ALK: variants seen among roughly 807,000 people sequenced by gnomAD.
The protein encoded by ALK is ALK tyrosine kinase receptor.
ALK carries 74 observed loss-of-function variants against 163.1 expected under a neutral mutation model. The observed-to-expected ratio is 0.45, with a 90% confidence interval of 0.38 to 0.55. The LOEUF is 0.55. Among genes scored for constraint, ALK ranks in the 20% least tolerant of loss-of-function variants. The pLI is 0.00. For synonymous variants in ALK, 960 were observed against 843.2 expected (o/e 1.14, Z -2.40); for missense variants, 2,063 against 2,105.3 (o/e 0.98, Z 0.39).
At chr2:29,311,318 G>A (rs540981392) in intron 8 of ALK, among the ~76,000 whole-genome samples, 1 of 152,268 alleles carries the variant, frequency 6.6e-6, no homozygotes, top group Non-Finnish European at 1.5e-5. Context: ...GGGAGGCCTT[G>A]GGGCTTCCGA....
Position 29,496,736 on chromosome 2 carries a change from C to T in ALK, c.1154+35179G>A, listed in dbSNP as rs574984370. On this transcript the variant is annotated intron_variant, in intron 4 of 28. Transcript: ENST00000389048. ...CAAATATTTGCCATGTACACCACCA[C>T]ACTTTGCCCATGGAAGACCCCAGTA... Among the ~76,000 whole-genome samples the T allele has an allele frequency of 1.1e-4, 17 of 152,300 alleles. No homozygotes were observed. In the South Asian group the frequency reaches 3.5e-3, roughly 32 times the overall value.
intron 3 of ALK, among the ~76,000 whole-genome samples, chr2:29,650,473 G>A (rs560442621): frequency 6.6e-6 from 1 of 152,264 alleles, no homozygotes; most frequent in African/African-American, 2.4e-5. Flanking sequence ...ATTACTAGAA[G>A]TAAGATTTGG....
At chr2:29,497,601 T>A (rs1006167912) in intron 4 of ALK, among the ~76,000 whole-genome samples, 39 of 152,146 alleles carry the variant, frequency 2.6e-4, no homozygotes, top group Admixed American at 2.5e-3. Flanking sequence ...CAATGGTAAT[T>A]TGTAAATGTC....
intron 5 of ALK, among the ~76,000 whole-genome samples, chr2:29,365,409 T>C (rs112437196): frequency 2.8e-4 from 42 of 152,266 alleles, no homozygotes; most frequent in African/African-American, 1.0e-3. Flanking sequence ...GAGGACAGGT[T>C]ATGGATCTGG....
intron 5 of ALK, among the ~76,000 whole-genome samples, chr2:29,367,232 G>A (rs181277023): frequency 2.0e-5 from 3 of 152,200 alleles, no homozygotes; most frequent in African/African-American, 7.2e-5. Context: ...GTAAGGATTC[G>A]GGACAAAGGT....
intron 4 of ALK, among the ~76,000 whole-genome samples, chr2:29,436,174 T>G (rs1670391319): frequency 6.6e-6 from 1 of 152,192 alleles, no homozygotes; most frequent in Non-Finnish European, 1.5e-5. Flanking sequence ...CTCTACTACT[T>G]GGCATTCATT....
chr2:29,736,813 G>A (rs765027671), intron 1 of ALK, among the ~76,000 whole-genome samples: 23 of 152,086 alleles, frequency 1.5e-4, no homozygotes, highest in Non-Finnish European at 2.4e-4. Flanking sequence ...GTTAACATTT[G>A]TAATTAAGCC....
In ALK at chr2:29,467,409, C is replaced by T. The variant is rs1671239881; in HGVS notation, c.1154+64506G>A. ...GTGAACAAGCCCTCAGAGCCTGAAG[C>T]CTAGTTTCACTATTTTAGATTTTTC... is the stretch of plus-strand genomic sequence containing the variant. On this transcript the variant is annotated intron_variant, in intron 4 of 28. Transcript: ENST00000389048. 2.0e-5 allele frequency among the ~76,000 whole-genome samples: 3 copies of T among 152,176 alleles called. No individual in the cohort carries two copies. The South Asian group carries it at 6.2e-4, about 32-fold the overall frequency.
intron 11 of ALK, among the ~76,000 whole-genome samples, chr2:29,263,047 A>T (rs76407470): frequency 6.6e-6 from 1 of 152,250 alleles, no homozygotes; most frequent in East Asian, 1.9e-4. Context: ...AGTGTTTGAT[A>T]TCACATGGGT....
intron 3 of ALK, among the ~76,000 whole-genome samples, chr2:29,588,312 C>A (rs553076285): frequency 6.6e-6 from 1 of 152,276 alleles, no homozygotes; most frequent in South Asian, 2.1e-4. Context: ...CTCATTGCAA[C>A]CCCCACCCAC....
Position 29,443,805 on chromosome 2 carries a change from C to T in ALK, c.1155-59946G>A, listed in dbSNP as rs1044578840. Among the ~76,000 whole-genome samples, 7 of 152,186 alleles carry T rather than the reference C, an allele frequency of 4.6e-5. No homozygotes were observed. The South Asian group carries it at 8.3e-4, about 18-fold the overall frequency. On this transcript the variant is annotated intron_variant, in intron 4 of 28. Coordinates refer to ENST00000389048, the MANE Select transcript of ALK (RefSeq NM_004304.5). The stretch of plus-strand genomic sequence containing the variant: ...GAATCAGGAAGGAAGAGGAGGCTGA[C>T]GTGTAGCCTTATAAATACAGGAAGT...
intron 4 of ALK, among the ~76,000 whole-genome samples, chr2:29,385,952 T>C (rs1221012551): frequency 6.6e-6 from 1 of 152,256 alleles, no homozygotes; most frequent in Non-Finnish European, 1.5e-5. Flanking sequence ...TGTGCACATT[T>C]AGGCATATCG....
intron 1 of ALK, among the ~76,000 whole-genome samples, chr2:29,751,966 C>T (rs1481579598): frequency 2.0e-5 from 3 of 152,056 alleles, no homozygotes; most frequent in Middle Eastern, 3.4e-3. Flanking sequence ...AGGTATTATC[C>T]CCATTTTAGA....
rs541391685 is a variant in ALK, at chr2:29,741,754, C to G, written c.668-24057G>C. On this transcript the variant is annotated intron_variant, in intron 1 of 28. Coordinates refer to ENST00000389048, the MANE Select transcript of ALK (RefSeq NM_004304.5). ...ACAAAAGCCTCTTTGGCCTCTATCC[C>G]CTTACAAAAGTCTCTGGGGCAAGTT... 1.6e-4 allele frequency among the ~76,000 whole-genome samples: 25 copies of G among 152,248 alleles called. No homozygotes were observed. In the South Asian group the frequency reaches 4.8e-3, roughly 29 times the overall value.
At chr2:29,364,604 C>T (rs778729808) in intron 5 of ALK, among the ~76,000 whole-genome samples, 4 of 152,136 alleles carry the variant, frequency 2.6e-5, no homozygotes, top group Admixed American at 6.6e-5. Context: ...CCTTGCTAAG[C>T]GTTTCTTAGA....
chr2:29,730,562 A>G (rs552201450), intron 1 of ALK, among the ~76,000 whole-genome samples: 158 of 152,330 alleles, frequency 1.0e-3, no homozygotes, highest in Non-Finnish European at 1.7e-3. Context: ...TAAGCCTTTG[A>G]TCCTCATAAA....
chr2:29,917,180 G>A (rs1406450207), intron 1 of ALK, among the ~76,000 whole-genome samples: 1 of 152,112 alleles, frequency 6.6e-6, no homozygotes, highest in African/African-American at 2.4e-5. Flanking sequence ...TTTGGTCTGA[G>A]CCAAATGGGC....
chr2:29,755,203 C>A (rs1281958558), intron 1 of ALK, among the ~76,000 whole-genome samples: 1 of 152,212 alleles, frequency 6.6e-6, no homozygotes, highest in Non-Finnish European at 1.5e-5. Context: ...AGCCAGGGGA[C>A]CAGCCCTCTT....
chr2:29,802,862 A>G (rs1664521225), intron 1 of ALK, among the ~76,000 whole-genome samples: 1 of 151,764 alleles, frequency 6.6e-6, no homozygotes, highest in Admixed American at 6.6e-5. Flanking sequence ...ACCAAACAGA[A>G]GGCCCAAGAC....
Sources: gnomAD v4.1 joint callset for allele counts (sites outside exome capture counted in the v4.1 genomes callset) on GRCh38, gnomAD v4.1.1 for gene constraint, MANE v1.5 for transcripts, NCBI Gene and HGNC (gene_info 2026-07-23, HGNC 2026-07-21) for gene names.